The following ZNF385D variants were observed in gnomAD, a reference collection of about 807,000 sequenced individuals.
ZNF385D encodes zinc finger protein 659.
ZNF385D carries 15 observed loss-of-function variants against 35.8 expected under a neutral mutation model. The observed-to-expected ratio is 0.42, with a 90% confidence interval of 0.28 to 0.64. The LOEUF (loss-of-function observed/expected upper bound fraction) is 0.64. ZNF385D is among the 30% of genes least tolerant of loss of function. The pLI is 0.23. For synonymous variants in ZNF385D, 212 were observed against 186.8 expected (o/e 1.13, Z -1.10); for missense variants, 474 against 494.6 (o/e 0.96, Z 0.39).
At chr3:21,742,225 T>G (rs930799683) in intron 1 of ZNF385D, among the ~76,000 whole-genome samples, 1 of 152,204 alleles carries the variant, frequency 6.6e-6, no homozygotes, top group African/African-American at 2.4e-5. Flanking sequence ...CAAAGAAAGA[T>G]TCACTAATTT....
rs35586361 is a variant in ZNF385D at position 21,694,042 on chromosome 3, C to CTTTTTTTTTTTTTTTTTTTTTTTTTT, written c.23-29015_23-29014insAAAAAAAAAAAAAAAAAAAAAAAAAA. Among the ~76,000 whole-genome samples, 3 of 22,170 alleles carry CTTTTTTTTTTTTTTTTTTTTTTTTTT rather than the reference C, an allele frequency of 1.4e-4. 1 individual carries two copies. The highest frequency in any genetic ancestry group is 6.3e-4 in the African/African-American group (3 of 4,756). 14.5% of individuals were successfully genotyped at this position (22,170 alleles called of 152,430 possible). On this transcript the variant is annotated intron_variant, in intron 1 of 7. Transcript: ENST00000281523. ...TACAGGCGCGTGCCACTACGCCTGG[C>CTTTTTTTTTTTTTTTTTTTTTTTTTT]TTTTTTTTTTTTTTTTTTTGAGACA...
intron 2 of ZNF385D, among the ~76,000 whole-genome samples, chr3:22,219,500 A>G (rs1698119493): frequency 6.6e-6 from 1 of 152,122 alleles, no homozygotes; most frequent in Non-Finnish European, 1.5e-5. Context: ...GAATTTAATA[A>G]AGCTGTTTTA....
chr3:21,858,344 T>C (rs1252364965), intron 3 of ZNF385D, among the ~76,000 whole-genome samples: 1 of 152,000 alleles, frequency 6.6e-6, no homozygotes, highest in Non-Finnish European at 1.5e-5. Flanking sequence ...CAGTGGACTC[T>C]GGTCAAATTT....
chr3:21,992,744 A>G (rs1695223319), intron 3 of ZNF385D, among the ~76,000 whole-genome samples: 1 of 152,154 alleles, frequency 6.6e-6, no homozygotes, highest in African/African-American at 2.4e-5. Context: ...AAAGTGTTCT[A>G]GTCTATGGCT....
rs1702801721 is a variant in ZNF385D, at chr3:22,116,177, G to C, written c.325+52640C>G. 2.6e-5 allele frequency among the ~76,000 whole-genome samples: 4 copies of C among 151,966 alleles called. No individual in the cohort carries two copies. In the South Asian group the frequency reaches 8.3e-4, roughly 32 times the overall value. ...ATAATAATATGTATTTAAAATTAGAGAGCTTTTAGAAAAAAGCTCTCAAGT... is the reference window on the plus strand; with the variant it reads ...ATAATAATATGTATTTAAAATTAGACAGCTTTTAGAAAAAAGCTCTCAAGT... On this transcript the variant is annotated intron_variant, in intron 3 of 5. Coordinates refer to the ZNF385D transcript ENST00000494108.
At chr3:22,291,820 C>A (rs1702315648) in intron 2 of ZNF385D, among the ~76,000 whole-genome samples, 1 of 152,034 alleles carries the variant, frequency 6.6e-6, no homozygotes, top group Non-Finnish European at 1.5e-5. Context: ...TGCATTACTA[C>A]TCCTTAAAAT....
chr3:22,293,712 C>G (rs774732348), intron 2 of ZNF385D, among the ~76,000 whole-genome samples: 24 of 152,098 alleles, frequency 1.6e-4, no homozygotes, highest in Non-Finnish European at 7.4e-5. Context: ...ATGTGGTTCT[C>G]AAAGACTGGC....
intron 3 of ZNF385D, among the ~76,000 whole-genome samples, chr3:22,148,243 G>T (rs1389871766): frequency 6.6e-6 from 1 of 152,098 alleles, no homozygotes; most frequent in Non-Finnish European, 1.5e-5. Flanking sequence ...GTACCAATTT[G>T]CCAGACCTAA....
intron 3 of ZNF385D, among the ~76,000 whole-genome samples, chr3:22,093,554 A>G (rs888033949): frequency 1.3e-4 from 20 of 152,104 alleles, no homozygotes; most frequent in Admixed American, 1.3e-3. Flanking sequence ...TAGAGGTTCG[A>G]GGATTATGTG....
At chr3:22,028,789 C>G (rs774573981) in intron 3 of ZNF385D, among the ~76,000 whole-genome samples, 2 of 152,174 alleles carry the variant, frequency 1.3e-5, no homozygotes, top group Non-Finnish European at 2.9e-5. Context: ...CCCATGTTCC[C>G]CATCATCTTG....
chr3:21,862,590 T>A (rs1366128465), intron 3 of ZNF385D, among the ~76,000 whole-genome samples: 4 of 152,124 alleles, frequency 2.6e-5, no homozygotes, highest in Admixed American at 1.3e-4. Flanking sequence ...ATTGCCATTA[T>A]ATTATGTGTA....
At chr3:22,313,824 C>T (rs1374296184) in intron 2 of ZNF385D, among the ~76,000 whole-genome samples, 3 of 152,120 alleles carry the variant, frequency 2.0e-5, no homozygotes, top group African/African-American at 4.8e-5. Context: ...CTAAAAACTC[C>T]AGCATTAATT....
intron 2 of ZNF385D, among the ~76,000 whole-genome samples, chr3:21,616,240 A>C (rs2064842962): frequency 6.6e-6 from 1 of 152,196 alleles, no homozygotes. Context: ...GAGAACACAC[A>C]ATATCAGGCG....
intron 2 of ZNF385D, among the ~76,000 whole-genome samples, chr3:21,636,956 G>T (rs9846455): frequency 0.017 from 2,585 of 151,496 alleles, 69 homozygotes; most frequent in African/African-American, 0.059. Context: ...TGTTTTTTTT[G>T]TTGTTGTTGT....
chr3:22,289,699 T>C (rs1446173311), intron 2 of ZNF385D, among the ~76,000 whole-genome samples: 1 of 152,166 alleles, frequency 6.6e-6, no homozygotes, highest in Admixed American at 6.6e-5. Flanking sequence ...ACATGCCTAG[T>C]ACGTCTCATT....
At chr3:22,364,693 T>A (rs1432840461) in intron 2 of ZNF385D, among the ~76,000 whole-genome samples, 1 of 152,152 alleles carries the variant, frequency 6.6e-6, no homozygotes, top group Non-Finnish European at 1.5e-5. Flanking sequence ...TGGCAGTTCC[T>A]CTAAGTATTA....
intron 3 of ZNF385D, among the ~76,000 whole-genome samples, chr3:21,848,328 G>A (rs917280538): frequency 1.3e-5 from 2 of 151,962 alleles, no homozygotes; most frequent in African/African-American, 4.8e-5. Context: ...ATATCTCTTT[G>A]AGATCGTGAT....
chr3:22,152,988 G>A (rs1438630745), intron 3 of ZNF385D, among the ~76,000 whole-genome samples: 2 of 152,090 alleles, frequency 1.3e-5, no homozygotes, highest in Non-Finnish European at 2.9e-5. Flanking sequence ...ATGACACATT[G>A]GTAGCTTAAA....
At chr3:21,519,120 GA>G (rs1204761195) in intron 3 of ZNF385D, among the ~76,000 whole-genome samples, 1 of 151,404 alleles carries the variant, frequency 6.6e-6, no homozygotes, top group East Asian at 1.9e-4. Context: ...TACGGGAATA[GA>G]AAAAAAGGGG....
Sources: gnomAD v4.1 joint callset for allele counts (sites outside exome capture counted in the v4.1 genomes callset) on GRCh38, gnomAD v4.1.1 for gene constraint, MANE v1.5 for transcripts, NCBI Gene and HGNC (gene_info 2026-07-23, HGNC 2026-07-21) for gene names.